Variants in FAF1 observed in about 807,000 individuals in gnomAD.
The protein encoded by FAF1 is FAS-associated factor 1.
FAF1 carries 25 observed loss-of-function variants against 92.5 expected under a neutral mutation model. The ratio of observed to expected loss-of-function variants is 0.27; its 90% confidence interval spans 0.20 to 0.38. The LOEUF is 0.38. Ranked by LOEUF, FAF1 falls within the 10% of genes least tolerant of loss-of-function variation. FAF1 has a pLI of 1.00. For synonymous variants in FAF1, 234 were observed against 273.2 expected, an observed-to-expected ratio of 0.86 and a Z score of 1.42; for missense variants, 636 against 793.3, an observed-to-expected ratio of 0.80 and a Z score of 2.38.
At chr1:50,805,990 G>A (rs1288896949) in intron 2 of FAF1, among the ~76,000 whole-genome samples, 1 of 151,742 alleles carries the variant, frequency 6.6e-6, no homozygotes, top group African/African-American at 2.4e-5. Context: ...CAATGGGTAG[G>A]CAAATGATGA....
chr1:50,613,145 C>T (rs962404224), intron 8 of FAF1, among the ~76,000 whole-genome samples: 1 of 152,142 alleles, frequency 6.6e-6, no homozygotes, highest in Admixed American at 6.5e-5. Flanking sequence ...AATATATAAC[C>T]TACCTAGTCC....
chr1:50,785,189 G>C (rs1661317743), intron 4 of FAF1, among the ~76,000 whole-genome samples: 1 of 138,052 alleles, frequency 7.2e-6, no homozygotes, highest in South Asian at 2.3e-4. Flanking sequence ...GAAGAAAGCA[G>C]AAGAGAGGAA....
chr1:50,722,444 T>C (rs61781033), intron 6 of FAF1, among the ~76,000 whole-genome samples: 3,842 of 152,074 alleles, frequency 0.025, 80 homozygotes, highest in Non-Finnish European at 0.036. Context: ...GTCAGGAGAT[T>C]GAGACCAGCC....
At chr1:50,633,465 ACTTCT>A (rs1653877908) in intron 8 of FAF1, among the ~76,000 whole-genome samples, 1 of 152,178 alleles carries the variant, frequency 6.6e-6, no homozygotes. Flanking sequence ...CAGTCCACAG[ACTTCT>A]CTTCTAAGCA....
intron 7 of FAF1, among the ~76,000 whole-genome samples, chr1:50,684,780 G>A (rs1000076184): frequency 2.6e-5 from 4 of 152,052 alleles, no homozygotes; most frequent in African/African-American, 9.7e-5. Flanking sequence ...TAGATAGAAC[G>A]TGATATAGAT....
chr1:50,866,632 A>C (rs1295731831), intron 1 of FAF1, among the ~76,000 whole-genome samples: 2 of 152,148 alleles, frequency 1.3e-5, no homozygotes, highest in East Asian at 3.8e-4. Flanking sequence ...GAATATACTT[A>C]ACCAAGGAGA....
At chr1:50,688,743 C>G (rs766433398) in intron 7 of FAF1, among the ~76,000 whole-genome samples, 3 of 151,934 alleles carry the variant, frequency 2.0e-5, no homozygotes, top group Non-Finnish European at 2.9e-5. Flanking sequence ...ACCCGGGAGG[C>G]GGAGGTTGCG....
intron 6 of FAF1, among the ~76,000 whole-genome samples, chr1:50,724,481 T>C (rs1384925000): frequency 6.6e-6 from 1 of 152,122 alleles, no homozygotes. Flanking sequence ...TTAATGGGTA[T>C]AGTGGAGTGC....
intron 2 of FAF1, among the ~76,000 whole-genome samples, chr1:50,802,251 C>T (rs1003865144): frequency 2.6e-5 from 4 of 152,132 alleles, no homozygotes; most frequent in African/African-American, 9.7e-5. Flanking sequence ...CCACTACGCC[C>T]AGCTAACTAT....
intron 4 of FAF1, among the ~76,000 whole-genome samples, chr1:50,785,107 T>C (rs1569944076): frequency 1.6e-5 from 2 of 121,958 alleles, no homozygotes; most frequent in Non-Finnish European, 3.2e-5. Flanking sequence ...TCCTCCAGCC[T>C]GGGTGACAGA....
intron 1 of FAF1, among the ~76,000 whole-genome samples, chr1:50,889,425 C>G (rs914852524): frequency 2.0e-5 from 3 of 152,104 alleles, no homozygotes; most frequent in Non-Finnish European, 4.4e-5. Context: ...TGTGTTTGCT[C>G]TTGCTTATCT....
intron 1 of FAF1, among the ~76,000 whole-genome samples, chr1:50,890,168 A>G (rs1570106126): frequency 6.6e-6 from 1 of 152,188 alleles, no homozygotes; most frequent in Admixed American, 6.5e-5. Flanking sequence ...GTTTTATCAG[A>G]GACTAGGATT....
chr1:50,725,544 C>G (rs1658613557), intron 6 of FAF1, among the ~76,000 whole-genome samples: 1 of 152,176 alleles, frequency 6.6e-6, no homozygotes, highest in Admixed American at 6.5e-5. Flanking sequence ...CAACCTCTGC[C>G]TCCCAGGTTC....
intron 2 of FAF1, among the ~76,000 whole-genome samples, chr1:50,852,797 T>C (rs1644361497): frequency 6.6e-6 from 1 of 152,020 alleles, no homozygotes; most frequent in African/African-American, 2.4e-5. Flanking sequence ...GAGGATTAAG[T>C]GAAATAATGT....
chr1:50,937,707 ATATTCC>A (rs570517365), intron 1 of FAF1, among the ~76,000 whole-genome samples: 46 of 152,286 alleles, frequency 3.0e-4, no homozygotes, highest in African/African-American at 1.1e-3. Flanking sequence ...GCCAAGTTCT[ATATTCC>A]TTTATTGTTA....
Position 50,801,623 on chromosome 1 carries a change from T to C in FAF1, c.161+8A>G, listed in dbSNP as rs767180266. On this transcript the variant is annotated splice_region_variant and intron_variant, in intron 3 of 18. Transcript: ENST00000396153. ...GTCATCTTAACTGGTAAGCACTTTA[T>C]AACATACCTTTGTAGAATGCCATTT... 2 of 1,517,232 alleles carry C rather than the reference T, an allele frequency of 1.3e-6. No homozygotes were observed. The highest frequency in any genetic ancestry group is 2.3e-5 in the East Asian group (1 of 44,308). The allele number at this position is 1,517,232 out of a possible 1,614,324, so 94.0% of individuals were successfully genotyped here. A position where few individuals can be genotyped will look rare whatever the true frequency, so the allele number is the denominator to read the frequency against.
chr1:50,793,602 C>A (rs1420853411), intron 3 of FAF1, among the ~76,000 whole-genome samples: 1 of 152,182 alleles, frequency 6.6e-6, no homozygotes, highest in African/African-American at 2.4e-5. Context: ...GAAGGGACCA[C>A]TGGAAACAAA....
chr1:50,863,722 T>A (rs990869809), intron 1 of FAF1, among the ~76,000 whole-genome samples: 1 of 152,062 alleles, frequency 6.6e-6, no homozygotes, highest in African/African-American at 2.4e-5. Context: ...CCTCATAAAA[T>A]GAGTTAGGGA....
At chr1:50,574,898 CTTTTTTTTTT>C (rs891527014) in intron 12 of FAF1, among the ~76,000 whole-genome samples, 95 of 71,444 alleles carry the variant, frequency 1.3e-3, no homozygotes, top group African/African-American at 2.4e-3. Flanking sequence ...TGTATTAACT[CTTTTTTTTTT>C]TTTTTTTTTT....
Sources: allele counts gnomAD v4.1 joint callset (sites outside exome capture counted in the v4.1 genomes callset), GRCh38; gene constraint gnomAD v4.1.1; transcripts MANE v1.5; gene names NCBI Gene and HGNC (gene_info 2026-07-23, HGNC 2026-07-21).